The following MSI2 variants were observed in gnomAD, a reference collection of about 807,000 sequenced individuals.
MSI2 encodes musashi RNA binding protein 2.
Under a neutral mutation model 45.6 loss-of-function variants are expected in MSI2, and 17 were observed. That is an observed-to-expected ratio of 0.37 (90% CI 0.26 to 0.56). The LOEUF (loss-of-function observed/expected upper bound fraction) is 0.56. Among genes scored for constraint, MSI2 ranks in the 20% least tolerant of loss-of-function variants. MSI2 has a pLI of 0.77. For synonymous variants in MSI2, 156 were observed against 158.2 expected (o/e 0.99, Z 0.11); for missense variants, 293 against 444.2 (o/e 0.66, Z 3.06).
intron 5 of MSI2, among the ~76,000 whole-genome samples, chr17:57,372,999 G>T (rs1044061188): frequency 1.3e-5 from 2 of 152,036 alleles, no homozygotes; most frequent in Admixed American, 1.3e-4. Flanking sequence ...CTGTAATCCC[G>T]ACACTTTATG....
rs1211669651 is a variant in MSI2, at chr17:57,684,384, G to C, written c.*4867G>C. On this transcript the variant is annotated 3_prime_UTR_variant, in exon 14 of 14. Coordinates refer to ENST00000284073, the MANE Select transcript of MSI2 (RefSeq NM_138962.4). Reference sequence around the variant, plus strand: ...ACCTCACCCTTACTTTTATACTTTAGTATGAAACTGATGAGAACTTTGGTA... The same window carrying C: ...ACCTCACCCTTACTTTTATACTTTACTATGAAACTGATGAGAACTTTGGTA... 1 of 181,434 alleles carries C rather than the reference G, an allele frequency of 5.5e-6. No homozygotes were observed. Among genetic ancestry groups the C allele is most frequent in the African/African-American group, 2.4e-5 (1 of 42,300 alleles). 11.2% of individuals were successfully genotyped at this position (181,434 alleles called of 1,614,324 possible). A position where few individuals can be genotyped will look rare whatever the true frequency, so the allele number is the denominator to read the frequency against.
At chr17:57,685,955 G>A (rs905901826), downstream of MSI2, among the ~76,000 whole-genome samples, 1 of 152,134 alleles carries the variant, frequency 6.6e-6, no homozygotes, top group Non-Finnish European at 1.5e-5. Context: ...AAGGAGAGAG[G>A]GAGCAGGGAA....
chr17:57,566,475 GC>G (rs2087735110), intron 7 of MSI2, among the ~76,000 whole-genome samples: 3 of 152,102 alleles, frequency 2.0e-5, no homozygotes, highest in Admixed American at 2.0e-4. Context: ...GGAAGCCCTG[GC>G]CCCCTGGGTC....
Position 57,596,445 on chromosome 17 carries a change from C to T in MSI2, c.455-423C>T, listed in dbSNP as rs1316204849. The stretch of plus-strand genomic sequence containing the variant: ...TCAGGAAGAAAAGGACAAATAACCA[C>T]CTCCGTCTGGAGGCCGACCCGAGGG... On this transcript the variant is annotated intron_variant, in intron 7 of 13. Coordinates refer to ENST00000284073, the MANE Select transcript of MSI2 (RefSeq NM_138962.4). This position sits in a 1 kb window ranked among gnomAD's most constrained non-coding sequence, Gnocchi z 4.6. Among the ~76,000 whole-genome samples, 2 of 152,232 alleles carry T rather than the reference C, an allele frequency of 1.3e-5. No individual in the cohort carries two copies. The highest frequency in any genetic ancestry group is 3.8e-4 in the East Asian group (2 of 5,200).
At chr17:57,385,769 A>G (rs1308439494) in intron 5 of MSI2, among the ~76,000 whole-genome samples, 2 of 152,214 alleles carry the variant, frequency 1.3e-5, no homozygotes, top group African/African-American at 2.4e-5. Flanking sequence ...TATTTCCCTG[A>G]CTGGTCTGAC....
chr17:57,266,995 G>A (rs1907851357), intron 5 of MSI2: 1 of 152,350 alleles, frequency 6.6e-6, no homozygotes, highest in Non-Finnish European at 1.5e-5. Context: ...GGCAGCCCGA[G>A]CGTGTACACG....
intron 6 of MSI2, among the ~76,000 whole-genome samples, 180 bp downstream of exon 6, chr17:57,401,651 T>A (rs1157035775): frequency 1.3e-5 from 2 of 152,112 alleles, no homozygotes; most frequent in Non-Finnish European, 1.5e-5. Context: ...CTGGCTTGCA[T>A]TTGGTGTGAT....
intron 10 of MSI2, among the ~76,000 whole-genome samples, chr17:57,639,639 GT>G (rs377136578): frequency 6.6e-4 from 100 of 152,366 alleles, no homozygotes; most frequent in African/African-American, 2.3e-3. Flanking sequence ...GTAGCCTCCT[GT>G]TCCTTCCACT....
At chr17:57,425,678 G>T (rs532342639) in intron 6 of MSI2, among the ~76,000 whole-genome samples, 1 of 152,344 alleles carries the variant, frequency 6.6e-6, no homozygotes, top group South Asian at 2.1e-4. Flanking sequence ...TATGATCATT[G>T]TTTGGTATTA....
intron 6 of MSI2, among the ~76,000 whole-genome samples, chr17:57,442,071 T>G (rs182088418): frequency 6.7e-6 from 1 of 150,302 alleles, no homozygotes; most frequent in Non-Finnish European, 1.5e-5. Context: ...AGAGTCTTGC[T>G]CTGTCTCCAG....
chr17:57,457,005 T>G (rs947326718), intron 6 of MSI2, among the ~76,000 whole-genome samples: 3 of 152,194 alleles, frequency 2.0e-5, no homozygotes, highest in Non-Finnish European at 4.4e-5. Flanking sequence ...AGGAGAAGTT[T>G]GGCAGCATCC....
At chr17:57,587,123 T>C (rs1007138289) in intron 7 of MSI2, among the ~76,000 whole-genome samples, 1 of 152,150 alleles carries the variant, frequency 6.6e-6, no homozygotes, top group African/African-American at 2.4e-5. Flanking sequence ...CCATGAGAGA[T>C]TCTGCTGCAG....
chr17:57,491,026 G>A (rs1208115088), intron 6 of MSI2, among the ~76,000 whole-genome samples: 1 of 152,212 alleles, frequency 6.6e-6, no homozygotes, highest in African/African-American at 2.4e-5. Flanking sequence ...GGGGTGGGGA[G>A]GACGGATGGG....
chr17:57,376,982 G>A (rs923969288), intron 5 of MSI2, among the ~76,000 whole-genome samples: 16 of 150,986 alleles, frequency 1.1e-4, no homozygotes, highest in South Asian at 4.2e-4. Context: ...GGGCAGTGGC[G>A]CGATCTCGGC....
intron 5 of MSI2, among the ~76,000 whole-genome samples, chr17:57,390,708 A>G (rs2083774377): frequency 6.6e-6 from 1 of 152,194 alleles, no homozygotes; most frequent in African/African-American, 2.4e-5. Flanking sequence ...ACTCGCTCCT[A>G]AGAAGAGCAG....
intron 7 of MSI2, among the ~76,000 whole-genome samples, chr17:57,566,990 T>C (rs1473598293): frequency 6.6e-6 from 1 of 152,152 alleles, no homozygotes; most frequent in East Asian, 1.9e-4. Context: ...TTCCTATCCG[T>C]GCCCTGGAGG....
chr17:57,548,072 A>C (rs907238274), intron 7 of MSI2, among the ~76,000 whole-genome samples: 4 of 152,206 alleles, frequency 2.6e-5, no homozygotes, highest in Non-Finnish European at 4.4e-5. Context: ...GAGATCCCAT[A>C]GATGTGGACG....
Position 57,527,830 on chromosome 17 carries a change from G to A in MSI2, c.406-1846G>A, listed in dbSNP as rs551461187. 1.3e-4 allele frequency among the ~76,000 whole-genome samples: 20 copies of A among 152,252 alleles called. No individual in the cohort carries two copies. The East Asian group carries it at 3.3e-3, about 25-fold the overall frequency. ...GCTCTTCCCCCTATTACATTTGATC[G>A]CATCTAGAAAAATACGTTTGATTTG... On this transcript the variant is annotated intron_variant, in intron 6 of 13. Transcript: ENST00000284073.
At chr17:57,638,556 G>A (rs761062192) in intron 10 of MSI2, among the ~76,000 whole-genome samples, 2 of 152,094 alleles carry the variant, frequency 1.3e-5, no homozygotes, top group Non-Finnish European at 2.9e-5. Flanking sequence ...AGTCCATTCT[G>A]GTGACCGTAA....
Sources: allele counts gnomAD v4.1 joint callset (sites outside exome capture counted in the v4.1 genomes callset), GRCh38; gene constraint gnomAD v4.1.1; non-coding constraint Gnocchi (gnomAD v3.1); transcripts MANE v1.5; gene names NCBI Gene and HGNC (gene_info 2026-07-23, HGNC 2026-07-21).